ADGRL2: variants seen among roughly 807,000 people sequenced by gnomAD.
ADGRL2 encodes the protein calcium-independent alpha-latrotoxin receptor 2.
Under a neutral mutation model 157.4 loss-of-function variants are expected in ADGRL2, and 44 were observed. The observed-to-expected ratio is 0.28, with a 90% CI of 0.22 to 0.36. ADGRL2 has a LOEUF of 0.36. ADGRL2 is among the 10% of genes least tolerant of loss of function. The pLI is 1.00. For synonymous variants in ADGRL2, 585 were observed against 624.7 expected, an observed-to-expected ratio of 0.94 and a Z score of 0.95; for missense variants, 1,510 against 1,768.9, an observed-to-expected ratio of 0.85 and a Z score of 2.63.
intron 2 of ADGRL2, among the ~76,000 whole-genome samples, chr1:81,782,860 A>C (rs2086872656): frequency 6.6e-6 from 1 of 152,214 alleles, no homozygotes; most frequent in Admixed American, 6.5e-5. Flanking sequence ...CCAAAGTGAA[A>C]CAGGACTGTA....
chr1:81,462,727 A>C (rs13375219), intron 2 of ADGRL2, among the ~76,000 whole-genome samples: 84,387 of 152,026 alleles, frequency 0.56, 24,936 homozygotes, highest in Non-Finnish European at 0.65. Flanking sequence ...TTGATCATTC[A>C]AGACCTAAGA....
At chr1:81,902,747 C>G (rs1409283637) in intron 2 of ADGRL2, among the ~76,000 whole-genome samples, 1 of 152,198 alleles carries the variant, frequency 6.6e-6, no homozygotes, top group African/African-American at 2.4e-5. Flanking sequence ...ATGGCCACAA[C>G]TAGAGAACTT....
chr1:81,959,263 T>C (rs1215690021), intron 11 of ADGRL2, among the ~76,000 whole-genome samples: 1 of 152,346 alleles, frequency 6.6e-6, no homozygotes, highest in East Asian at 1.9e-4. Flanking sequence ...AACATTTTGC[T>C]GATAACCTCC....
intron 2 of ADGRL2, among the ~76,000 whole-genome samples, chr1:81,462,068 A>G (rs559651468): frequency 8.3e-4 from 127 of 152,270 alleles, no homozygotes; most frequent in Non-Finnish European, 1.4e-3. Context: ...TGTAAATACA[A>G]CAATCAGTGC....
intron 1 of ADGRL2, among the ~76,000 whole-genome samples, chr1:81,383,434 G>C (rs112657197): frequency 1.1e-4 from 16 of 152,092 alleles, no homozygotes; most frequent in African/African-American, 3.6e-4. Context: ...GAAAGAGAAT[G>C]GTTATTTGAG....
At chr1:81,781,727 A>T (rs1162780319) in intron 2 of ADGRL2, among the ~76,000 whole-genome samples, 1 of 152,208 alleles carries the variant, frequency 6.6e-6, no homozygotes, top group Non-Finnish European at 1.5e-5. Context: ...ATGCAGATAA[A>T]GCATATCTTG....
intron 2 of ADGRL2, among the ~76,000 whole-genome samples, chr1:81,790,825 T>C (rs1323813048): frequency 1.3e-5 from 2 of 152,138 alleles, no homozygotes; most frequent in African/African-American, 4.8e-5. Context: ...TCCTATGCCA[T>C]ACAAAGTTGG....
intron 2 of ADGRL2, among the ~76,000 whole-genome samples, chr1:81,877,651 G>A (rs771211765): frequency 6.6e-6 from 1 of 151,738 alleles, no homozygotes; most frequent in Non-Finnish European, 1.5e-5. Flanking sequence ...GGAACAATAC[G>A]TGGCTTTTTT....
chr1:81,965,667 T>C (rs1229529647), intron 11 of ADGRL2, among the ~76,000 whole-genome samples: 1 of 152,224 alleles, frequency 6.6e-6, no homozygotes, highest in African/African-American at 2.4e-5. Context: ...AAAAGTTACT[T>C]AATATAAAGA....
intron 1 of ADGRL2, among the ~76,000 whole-genome samples, chr1:81,328,825 A>G (rs1200537887): frequency 6.6e-6 from 1 of 152,090 alleles, no homozygotes; most frequent in Non-Finnish European, 1.5e-5. Context: ...ATGCTATTTG[A>G]CACACAATTG....
intron 2 of ADGRL2, among the ~76,000 whole-genome samples, chr1:81,904,842 G>T (rs1259076135): frequency 2.6e-5 from 4 of 152,036 alleles, no homozygotes; most frequent in Non-Finnish European, 2.9e-5. Flanking sequence ...GCGAGGCAGA[G>T]GTTGCAGTGA....
intron 2 of ADGRL2, among the ~76,000 whole-genome samples, chr1:81,855,984 C>A (rs1225942229): frequency 6.6e-6 from 1 of 152,102 alleles, no homozygotes; most frequent in African/African-American, 2.4e-5. Context: ...TGGTAAGGGA[C>A]AGAAGCTGAT....
chr1:81,721,698 C>T (rs573144443), intron 1 of ADGRL2: 22 of 1,330,326 alleles, frequency 1.7e-5, no homozygotes, highest in Middle Eastern at 2.6e-4. Flanking sequence ...TGACCATGGA[C>T]CCCCCGCAAA....
intron 11 of ADGRL2, among the ~76,000 whole-genome samples, chr1:81,958,437 T>C (rs1453760311): frequency 6.6e-6 from 1 of 152,138 alleles, no homozygotes; most frequent in African/African-American, 2.4e-5. Context: ...GCCTATTATT[T>C]CTCTATGTTC....
intron 3 of ADGRL2, among the ~76,000 whole-genome samples, chr1:81,925,644 T>C (rs2095086960): frequency 6.6e-6 from 1 of 151,934 alleles, no homozygotes; most frequent in Non-Finnish European, 1.5e-5. Flanking sequence ...TTAAATACTT[T>C]GACAAAGATG....
intron 3 of ADGRL2, among the ~76,000 whole-genome samples, chr1:81,670,680 C>T (rs1371654582): frequency 6.6e-6 from 1 of 152,194 alleles, no homozygotes; most frequent in Non-Finnish European, 1.5e-5. Context: ...TCCAAACATT[C>T]GAAAAGACTC....
Position 81,618,507 on chromosome 1 carries a change from G to A in ADGRL2, c.-143+37527G>A, listed in dbSNP as rs78049889. ...GAAAGGGGACCATATTTTTATGACA[G>A]TTTTTTTTCCTTGGTCTGAGGTTGG... On this transcript the variant is annotated intron_variant, in intron 3 of 24. Coordinates refer to the ADGRL2 transcript ENST00000370721. Among the ~76,000 whole-genome samples, 1,266 of 152,134 alleles carry A rather than the reference G, an allele frequency of 8.3e-3. 21 individuals carry two copies. The highest frequency in any genetic ancestry group is 0.029 in the African/African-American group (1,205 of 41,512).
intron 2 of ADGRL2, among the ~76,000 whole-genome samples, chr1:81,791,379 G>A (rs1452647163): frequency 6.6e-6 from 1 of 152,116 alleles, no homozygotes; most frequent in East Asian, 1.9e-4. Context: ...CTGGGTCTGT[G>A]GATGGTTGGA....
rs372377313 is a variant in ADGRL2, at chr1:81,489,282, A to C, written c.-248+44193A>C. ...AATAAAATAGATGGAAAATCTAAAA[A>C]GAAACTAAAAAAATCAAGAGCTGAA... On this transcript the variant is annotated intron_variant, in intron 2 of 24. Coordinates refer to the ADGRL2 transcript ENST00000370721. 1.4e-4 allele frequency among the ~76,000 whole-genome samples: 22 copies of C among 152,162 alleles called. No homozygotes were observed. In the South Asian group the frequency reaches 4.1e-3, roughly 29 times the overall value.
Sources: gnomAD v4.1 joint callset for allele counts (sites outside exome capture counted in the v4.1 genomes callset) on GRCh38, gnomAD v4.1.1 for gene constraint, MANE v1.5 for transcripts, NCBI Gene and HGNC (gene_info 2026-07-23, HGNC 2026-07-21) for gene names.